Variants in SAMD12 observed in about 807,000 individuals in gnomAD.
SAMD12 encodes sterile alpha motif domain-containing protein 12.
Under a neutral mutation model 15.0 loss-of-function variants are expected in SAMD12, and 9 were observed. The observed-to-expected ratio is 0.60, with a 90% confidence interval of 0.36 to 1.05. The LOEUF (loss-of-function observed/expected upper bound fraction) is 1.05, where lower values mean the gene tolerates loss of function less well. SAMD12 is among the 50% of genes least tolerant of loss of function. SAMD12 has a pLI of 0.01. For missense variants in SAMD12, 230 were observed against 234.2 expected (o/e 0.98, Z 0.12); for synonymous variants, 86 against 90.1 (o/e 0.96, Z 0.25).
At chr8:118,210,038 C>G (rs1819975079) in intron 4 of SAMD12, among the ~76,000 whole-genome samples, 1 of 152,256 alleles carries the variant, frequency 6.6e-6, no homozygotes, top group Non-Finnish European at 1.5e-5. Flanking sequence ...CAGCACTTAA[C>G]TTCCAGATTG....
At chr8:118,569,549 A>G (rs1378685685) in intron 2 of SAMD12, among the ~76,000 whole-genome samples, 1 of 152,178 alleles carries the variant, frequency 6.6e-6, no homozygotes, top group Non-Finnish European at 1.5e-5. Context: ...CTAACCCCCA[A>G]TAAGGTGTTG....
chr8:118,484,656 A>G (rs1586754487), intron 2 of SAMD12, among the ~76,000 whole-genome samples: 1 of 152,104 alleles, frequency 6.6e-6, no homozygotes, highest in African/African-American at 2.4e-5. Flanking sequence ...GCAGAACACC[A>G]AATCAGTTGA....
chr8:118,337,136 T>C (rs563771097), intron 4 of SAMD12, among the ~76,000 whole-genome samples: 1 of 150,810 alleles, frequency 6.6e-6, no homozygotes, highest in East Asian at 2.0e-4. Context: ...GTTGTGCACA[T>C]GTACCCTAGA....
intron 2 of SAMD12, among the ~76,000 whole-genome samples, chr8:118,446,716 G>A (rs1713464372): frequency 6.6e-6 from 1 of 152,012 alleles, no homozygotes; most frequent in South Asian, 2.1e-4. Flanking sequence ...ACTGATTCTT[G>A]AGTTTTGCCT....
At chr8:118,612,685 A>T (rs898554219) in intron 1 of SAMD12, among the ~76,000 whole-genome samples, 4 of 152,240 alleles carry the variant, frequency 2.6e-5, no homozygotes, top group Admixed American at 2.0e-4. Context: ...AAACATACTC[A>T]CTATATGACT....
intron 4 of SAMD12, among the ~76,000 whole-genome samples, chr8:118,244,268 A>G (rs1340163075): frequency 6.6e-6 from 1 of 152,162 alleles, no homozygotes; most frequent in Non-Finnish European, 1.5e-5. Flanking sequence ...AAATTAAAGC[A>G]CAGACAGTTT....
chr8:118,251,665 A>G (rs1812824007), intron 4 of SAMD12, among the ~76,000 whole-genome samples: 1 of 152,080 alleles, frequency 6.6e-6, no homozygotes, highest in African/African-American at 2.4e-5. Context: ...TATTTGATAT[A>G]CCTGTACAAA....
At chr8:118,322,625 T>C (rs1816342134) in intron 4 of SAMD12, among the ~76,000 whole-genome samples, 1 of 152,226 alleles carries the variant, frequency 6.6e-6, no homozygotes, top group Non-Finnish European at 1.5e-5. Context: ...AAGCTAGACC[T>C]GAATATAAAA....
At chr8:118,600,830 A>G (rs1028291395) in intron 1 of SAMD12, among the ~76,000 whole-genome samples, 3 of 152,036 alleles carry the variant, frequency 2.0e-5, no homozygotes, top group Non-Finnish European at 4.4e-5. Context: ...TGTGAAACAT[A>G]TATCACACTC....
At chr8:118,503,259 C>A (rs1045872711) in intron 2 of SAMD12, among the ~76,000 whole-genome samples, 4 of 152,280 alleles carry the variant, frequency 2.6e-5, no homozygotes, top group South Asian at 4.2e-4. Flanking sequence ...TCATGCACTG[C>A]AGTTTGGTGT....
At chr8:118,304,021 A>C (rs1024681993) in intron 4 of SAMD12, among the ~76,000 whole-genome samples, 1 of 152,124 alleles carries the variant, frequency 6.6e-6, no homozygotes, top group African/African-American at 2.4e-5. Context: ...CTCTGTTCAC[A>C]TGGTACCCAG....
intron 4 of SAMD12, among the ~76,000 whole-genome samples, chr8:118,239,648 T>C (rs909054507): frequency 5.3e-5 from 8 of 152,164 alleles, no homozygotes; most frequent in Non-Finnish European, 8.8e-5. Flanking sequence ...CCAGGCCATT[T>C]GTTCTTCCCA....
At chr8:118,170,811 AAG>A in the SAMD12 span, among the ~76,000 whole-genome samples, 1 of 152,128 alleles carries the variant, frequency 6.6e-6, no homozygotes, top group Admixed American at 6.5e-5. Context: ...CAAGTGATAA[AAG>A]AAAAAAAATA....
chr8:118,439,417 G>T (rs553934529), intron 3 of SAMD12, among the ~76,000 whole-genome samples: 1 of 152,264 alleles, frequency 6.6e-6, no homozygotes, highest in South Asian at 2.1e-4. Flanking sequence ...CTCACCCAAA[G>T]AAGTCAATAT....
chr8:118,501,407 C>T (rs1824778102), intron 2 of SAMD12, among the ~76,000 whole-genome samples: 1 of 152,150 alleles, frequency 6.6e-6, no homozygotes, highest in African/African-American at 2.4e-5. Flanking sequence ...GTATATATTT[C>T]AAAACATCAT....
At chr8:118,554,457 C>G (rs1013152224) in intron 2 of SAMD12, among the ~76,000 whole-genome samples, 1 of 148,636 alleles carries the variant, frequency 6.7e-6, no homozygotes, top group Non-Finnish European at 1.5e-5. Context: ...ACCGCATATT[C>G]TCATTCATAG....
At chr8:118,290,569 ATTT>A (rs1429644555) in intron 4 of SAMD12, among the ~76,000 whole-genome samples, 2 of 152,190 alleles carry the variant, frequency 1.3e-5, no homozygotes, top group Non-Finnish European at 2.9e-5. Flanking sequence ...AAAACATCAC[ATTT>A]ATTTGCTTTT....
At chr8:118,617,985 T>TAGTCCCC (rs1243443934) in intron 1 of SAMD12, among the ~76,000 whole-genome samples, 11 of 152,002 alleles carry the variant, frequency 7.2e-5, no homozygotes, top group Admixed American at 7.2e-4. Context: ...CAAGAGGTCC[T>TAGTCCCC]AGTCCCCAGT....
intron 4 of SAMD12, among the ~76,000 whole-genome samples, chr8:118,352,716 G>C (rs1298020535): frequency 1.3e-5 from 2 of 152,092 alleles, no homozygotes; most frequent in South Asian, 2.1e-4. Context: ...AGTACCTCAC[G>C]GTTTCTCAAA....
Sources: allele counts gnomAD v4.1 joint callset (sites outside exome capture counted in the v4.1 genomes callset), GRCh38; gene constraint gnomAD v4.1.1; transcripts MANE v1.5; gene names NCBI Gene and HGNC (gene_info 2026-07-23, HGNC 2026-07-21).